The following THSD7B variants were observed in gnomAD, a reference collection of about 807,000 sequenced individuals.
The protein encoded by THSD7B is thrombospondin type-1 domain-containing protein 7B.
Under a neutral mutation model 213.6 loss-of-function variants are expected in THSD7B, and 138 were observed. The ratio of observed to expected loss-of-function variants is 0.65; its 90% CI spans 0.56 to 0.74. The LOEUF is 0.74. THSD7B is among the 30% of genes least tolerant of loss of function. The pLI is 0.00. For missense variants in THSD7B, 1,931 were observed against 1,991.5 expected, an observed-to-expected ratio of 0.97 and a Z score of 0.58; for synonymous variants, 742 against 687.0, an observed-to-expected ratio of 1.08 and a Z score of -1.25.
chr2:137,558,913 A>AC (rs1454428825), intron 15 of THSD7B, among the ~76,000 whole-genome samples: 4 of 152,150 alleles, frequency 2.6e-5, no homozygotes, highest in Admixed American at 2.6e-4. Flanking sequence ...ATTCTTATAC[A>AC]CCAATAACAG....
rs751619415 is a variant in THSD7B at position 137,231,085 on chromosome 2, C to T, written c.1765C>T (p.Pro589Ser). The change falls in exon 8 of 28, where the codon CCT (proline) becomes TCT (serine). Residue 589 changes from proline (P) to serine (S), a missense_variant. Pro to Ser is a moderately conservative substitution (Grantham distance 74, BLOSUM62 -1). Coordinates refer to ENST00000409968, the MANE Select transcript of THSD7B (RefSeq NM_001316349.2). ...SGSLCPVPPP[P>S]ERKSCEIPCR... ...GAGTCTTTGCCCAGTTCCCCCTCCT[C>T]CTGAGAGGAAGTCTTGTGAAATTCC... The T allele has an allele frequency of 3.1e-6, 5 of 1,613,620 alleles. No individual in the cohort carries two copies. The highest frequency in any genetic ancestry group is 1.3e-5 in the African/African-American group (1 of 74,884).
intron 15 of THSD7B, among the ~76,000 whole-genome samples, chr2:137,464,578 ATGT>A (rs1436491528): frequency 2.0e-5 from 3 of 152,114 alleles, no homozygotes; most frequent in Non-Finnish European, 4.4e-5. Flanking sequence ...GGTGGAGGGA[ATGT>A]TAAGTCTTTG....
In THSD7B at chr2:136,940,742, A is replaced by ATTTT. The variant is rs150455072; in HGVS notation, c.139+58428_139+58431dup. The stretch of plus-strand genomic sequence containing the variant: ...ATATATATATAATATATATATATAT[A>ATTTT]TTTTTTCTTATTCCCATTCTTAGGA... On this transcript the variant is annotated intron_variant, in intron 2 of 27. Transcript: ENST00000409968. Among the ~76,000 whole-genome samples, 1,079 of 144,354 alleles carry ATTTT rather than the reference A, an allele frequency of 7.5e-3. 21 individuals are homozygous for ATTTT. Among genetic ancestry groups the ATTTT allele is most frequent in the African/African-American group, 0.026 (1,006 of 39,378 alleles). 94.7% of individuals were successfully genotyped at this position (144,354 alleles called of 152,430 possible). A position where few individuals can be genotyped will look rare whatever the true frequency, so the allele number is the denominator to read the frequency against.
At chr2:137,587,257 T>C (rs1278259685) in intron 17 of THSD7B, among the ~76,000 whole-genome samples, 2 of 152,210 alleles carry the variant, frequency 1.3e-5, no homozygotes, top group Non-Finnish European at 2.9e-5. Context: ...TTCAAGGTTT[T>C]TAGCTTCTTT....
intron 13 of THSD7B, among the ~76,000 whole-genome samples, chr2:137,407,001 C>A (rs747566865): frequency 2.6e-5 from 4 of 152,174 alleles, no homozygotes; most frequent in Non-Finnish European, 2.9e-5. Flanking sequence ...GAAGCCATTA[C>A]TCTGGCAACT....
chr2:137,584,702 G>T (rs1284031274), intron 17 of THSD7B, among the ~76,000 whole-genome samples: 1 of 152,174 alleles, frequency 6.6e-6, no homozygotes, highest in Non-Finnish European at 1.5e-5. Context: ...GATCATGGTG[G>T]ATAAGGTTTT....
intron 27 of THSD7B, among the ~76,000 whole-genome samples, chr2:137,672,083 A>C (rs1683589772): frequency 6.6e-6 from 1 of 152,166 alleles, no homozygotes; most frequent in African/African-American, 2.4e-5. Flanking sequence ...TAAAGCATGA[A>C]TTTGATAAAG....
chr2:137,047,796 A>G (rs1686996864), intron 2 of THSD7B, among the ~76,000 whole-genome samples: 1 of 152,248 alleles, frequency 6.6e-6, no homozygotes, highest in Non-Finnish European at 1.5e-5. Flanking sequence ...GCACACAGCT[A>G]GATAAATGTG....
At chr2:137,596,780 T>C (rs572718925) in intron 17 of THSD7B, among the ~76,000 whole-genome samples, 2 of 151,638 alleles carry the variant, frequency 1.3e-5, no homozygotes, top group South Asian at 2.1e-4. Context: ...GTTAATACCA[T>C]GTGGCTATGT....
chr2:136,795,892 A>G (rs768132667), intron 1 of THSD7B, among the ~76,000 whole-genome samples: 8 of 151,918 alleles, frequency 5.3e-5, no homozygotes, highest in African/African-American at 1.9e-4. Context: ...TAGTTTTATC[A>G]TATACATTTT....
intron 2 of THSD7B, among the ~76,000 whole-genome samples, chr2:136,979,397 G>A (rs560157656): frequency 2.0e-5 from 3 of 152,138 alleles, no homozygotes; most frequent in Non-Finnish European, 2.9e-5. Flanking sequence ...TTTCAATTTC[G>A]TCCTGTTCTC....
chr2:136,815,164 A>G (rs1682449984), intron 1 of THSD7B, among the ~76,000 whole-genome samples: 1 of 152,252 alleles, frequency 6.6e-6, no homozygotes. Flanking sequence ...AAAGGAACTT[A>G]GAAGGGAAGT....
At chr2:137,656,270 G>A (rs1683234813) in intron 22 of THSD7B, among the ~76,000 whole-genome samples, 1 of 151,710 alleles carries the variant, frequency 6.6e-6, no homozygotes, top group East Asian at 1.9e-4. Context: ...ACACACATAT[G>A]TATTACAAAA....
At chr2:136,839,669 A>T (rs528954964) in intron 1 of THSD7B, among the ~76,000 whole-genome samples, 1 of 152,330 alleles carries the variant, frequency 6.6e-6, no homozygotes, top group East Asian at 1.9e-4. Context: ...CAAAAAAATG[A>T]TCAATGCCTC....
At chr2:136,859,022 C>A (rs547960403) in intron 1 of THSD7B, among the ~76,000 whole-genome samples, 1 of 152,142 alleles carries the variant, frequency 6.6e-6, no homozygotes, top group Non-Finnish European at 1.5e-5. Flanking sequence ...CTGTTTCTTT[C>A]CCACGTGTGG....
At chr2:137,363,712 C>T (rs977104831) in intron 12 of THSD7B, among the ~76,000 whole-genome samples, 2 of 152,142 alleles carry the variant, frequency 1.3e-5, no homozygotes, top group South Asian at 4.1e-4. Context: ...AGTGAATAGA[C>T]CAATAACAGG....
At chr2:137,165,672 A>G (rs866537505) in intron 6 of THSD7B, among the ~76,000 whole-genome samples, 1 of 152,250 alleles carries the variant, frequency 6.6e-6, no homozygotes, top group Admixed American at 6.5e-5. Flanking sequence ...TTAGCTTCAC[A>G]TCTGAATTCT....
chr2:137,519,251 A>AAAATAAAT lies in THSD7B; in HGVS notation c.3139-43952_3139-43945dup, dbSNP rs150919867. On this transcript the variant is annotated intron_variant, in intron 15 of 27. Transcript: ENST00000409968. Reference sequence around the variant, plus strand: ...TGGCAAGAGAGTGAGACTCCATCTCAAAATAAATAAATAAATAAATAAATA... The same window carrying AAAATAAAT: ...TGGCAAGAGAGTGAGACTCCATCTCAAAATAAATAAATAAATAAATAAATAAATAAATA... Among the ~76,000 whole-genome samples the AAAATAAAT allele has an allele frequency of 2.1e-3, 319 of 149,220 alleles. 2 individuals are homozygous for AAAATAAAT. The highest frequency in any genetic ancestry group is 6.9e-3 in the African/African-American group (278 of 40,098).
rs367914817 is a variant in THSD7B at position 137,163,633 on chromosome 2, C to G, written c.1525+3265C>G. ...CAGAGGGAGCATGTGGAGCATGGCC[C>G]TGCTGACACCTTGATTTCAGGCTTC... On this transcript the variant is annotated intron_variant, in intron 6 of 27. Transcript: ENST00000409968. Among the ~76,000 whole-genome samples, 4 of 152,298 alleles carry G rather than the reference C, an allele frequency of 2.6e-5. No individual in the cohort carries two copies. The East Asian group carries it at 7.7e-4, about 29-fold the overall frequency.
Sources: gnomAD v4.1 joint callset for allele counts (sites outside exome capture counted in the v4.1 genomes callset) on GRCh38, gnomAD v4.1.1 for gene constraint, MANE v1.5 for transcripts, NCBI Gene and HGNC (gene_info 2026-07-23, HGNC 2026-07-21) for gene names.